Variants in FGF1 observed in about 807,000 individuals in gnomAD.
FGF1 encodes fibroblast growth factor 1.
In FGF1, 9 loss-of-function variants were observed where a neutral mutation model predicts 13.4. That is an observed-to-expected ratio of 0.67 (90% confidence interval 0.40 to 1.17). FGF1 has a LOEUF of 1.17. Among genes scored for constraint, FGF1 ranks in the 50% most tolerant of loss-of-function variants. The pLI is 0.01. For synonymous variants in FGF1, 93 were observed against 79.0 expected (o/e 1.18, Z -0.94); for missense variants, 156 against 192.7 (o/e 0.81, Z 1.13).
intron 1 of FGF1, among the ~76,000 whole-genome samples, chr5:142,660,337 C>A (rs559778051): frequency 2.0e-5 from 3 of 152,218 alleles, no homozygotes; most frequent in African/African-American, 4.8e-5. Flanking sequence ...CAGCATGGAG[C>A]CTTCAGCCTG....
intron 1 of FGF1, among the ~76,000 whole-genome samples, chr5:142,615,818 A>C (rs1561561159): frequency 6.6e-6 from 1 of 152,236 alleles, no homozygotes; most frequent in African/African-American, 2.4e-5. Context: ...CTTGATCACC[A>C]TGAAAAGGTT....
intron 1 of FGF1, among the ~76,000 whole-genome samples, chr5:142,654,077 C>T (rs373134967): frequency 1.3e-5 from 2 of 152,086 alleles, no homozygotes; most frequent in Non-Finnish European, 2.9e-5. Context: ...GGCAACAGAG[C>T]GAGACTCTGT....
intron 1 of FGF1, among the ~76,000 whole-genome samples, chr5:142,651,371 A>C (rs1469420341): frequency 6.6e-6 from 1 of 152,186 alleles, no homozygotes; most frequent in Non-Finnish European, 1.5e-5. Context: ...GAGTAGTTTC[A>C]GGTTCCAGCA....
chr5:142,680,484 A>T (rs991045664), intron 1 of FGF1, among the ~76,000 whole-genome samples: 3 of 152,208 alleles, frequency 2.0e-5, no homozygotes, highest in African/African-American at 7.2e-5. Flanking sequence ...AGGCTCTGGT[A>T]AGCTGCTAGT....
At chr5:142,609,308 G>A (rs1184609563) in intron 2 of FGF1, among the ~76,000 whole-genome samples, 3 of 152,198 alleles carry the variant, frequency 2.0e-5, no homozygotes, top group Admixed American at 6.5e-5. Context: ...TGCTCCCCAC[G>A]TAGTCTCTTG....
At chr5:142,658,184 T>C (rs1334823206) in intron 1 of FGF1, among the ~76,000 whole-genome samples, 1 of 152,210 alleles carries the variant, frequency 6.6e-6, no homozygotes, top group Non-Finnish European at 1.5e-5. Flanking sequence ...TCCCTTTCCC[T>C]CACTCCCACA....
At chr5:142,656,908 T>TA (rs955389859) in intron 1 of FGF1, among the ~76,000 whole-genome samples, 2 of 152,108 alleles carry the variant, frequency 1.3e-5, no homozygotes, top group East Asian at 1.9e-4. Context: ...GCAGGTATTT[T>TA]TTTTTATTTT....
intron 2 of FGF1, among the ~76,000 whole-genome samples, chr5:142,605,275 T>G (rs890086409): frequency 5.3e-5 from 7 of 131,676 alleles, no homozygotes; most frequent in South Asian, 4.7e-4. Flanking sequence ...CCTGGCTAGT[T>G]TTTTTTTTTT....
intron 1 of FGF1, among the ~76,000 whole-genome samples, chr5:142,682,577 G>A (rs1188492267): frequency 6.6e-6 from 1 of 152,126 alleles, no homozygotes; most frequent in Non-Finnish European, 1.5e-5. Flanking sequence ...CTAATAAGTG[G>A]CAGAATTTGG....
chr5:142,659,331 C>G (rs185776597), intron 1 of FGF1, among the ~76,000 whole-genome samples: 1,972 of 151,304 alleles, frequency 0.013, 48 homozygotes, highest in African/African-American at 0.044. Context: ...CGGGTTCAAG[C>G]GATTCTCCTG....
chr5:142,626,789 C>A, intron 1 of FGF1: 1 of 152,384 alleles, frequency 6.6e-6, no homozygotes. Context: ...CAGCCATTTG[C>A]CATTGCAGAT....
chr5:142,649,672 G>A (rs1172386644), intron 1 of FGF1, among the ~76,000 whole-genome samples: 1 of 152,054 alleles, frequency 6.6e-6, no homozygotes, highest in Non-Finnish European at 1.5e-5. Flanking sequence ...CTCCCAAAGT[G>A]CTGGGATTAC....
intron 1 of FGF1, among the ~76,000 whole-genome samples, chr5:142,636,982 C>T (rs1764355908): frequency 1.3e-5 from 2 of 151,904 alleles, no homozygotes; most frequent in African/African-American, 4.9e-5. Context: ...TGCTGAGTGA[C>T]TAATTGGAGG....
chr5:142,642,024 A>G (rs1040847037), intron 1 of FGF1, among the ~76,000 whole-genome samples: 7 of 152,238 alleles, frequency 4.6e-5, no homozygotes, highest in East Asian at 1.9e-4. Context: ...TCTCAAATAG[A>G]CACATAAATT....
chr5:142,592,366 G>C lies in FGF1; in HGVS notation c.*2924C>G. The C allele has an allele frequency of 2.5e-6, 1 of 398,572 alleles. No homozygotes were observed. The highest frequency in any genetic ancestry group is 4.4e-6 in the Non-Finnish European group (1 of 226,038). The allele number at this position is 398,572 out of a possible 1,614,324, so 24.7% of individuals were successfully genotyped here. A position where few individuals can be genotyped will look rare whatever the true frequency, so the allele number is the denominator to read the frequency against. On this transcript the variant is annotated 3_prime_UTR_variant, in exon 4 of 4. Transcript: ENST00000337706. ...TTCCTTTGCCTCTGACACAAAGCAA[G>C]GACCTTCAGTACTAGCTGATGCTCC...
At chr5:142,634,061 C>A (rs760087534) in intron 1 of FGF1, among the ~76,000 whole-genome samples, 1 of 151,188 alleles carries the variant, frequency 6.6e-6, no homozygotes, top group Non-Finnish European at 1.5e-5. Flanking sequence ...GACGTGGTGG[C>A]GGGCGCCTGT....
intron 1 of FGF1, among the ~76,000 whole-genome samples, chr5:142,664,405 C>CT (rs1769889719): frequency 6.6e-6 from 1 of 152,208 alleles, no homozygotes; most frequent in African/African-American, 2.4e-5. Context: ...CCTGTATTCT[C>CT]TGCAAATGTA....
intron 1 of FGF1, among the ~76,000 whole-genome samples, chr5:142,656,742 G>A (rs914286240): frequency 9.2e-5 from 14 of 152,244 alleles, no homozygotes; most frequent in African/African-American, 3.4e-4. Flanking sequence ...GTGGGGAAAA[G>A]GAAGCCTCAG....
intron 2 of FGF1, among the ~76,000 whole-genome samples, chr5:142,606,650 C>T (rs553084401): frequency 6.6e-5 from 10 of 152,036 alleles, no homozygotes; most frequent in African/African-American, 1.9e-4. Flanking sequence ...GAACACAATA[C>T]GTGTGTAGCT....
Sources: allele counts gnomAD v4.1 joint callset (sites outside exome capture counted in the v4.1 genomes callset), GRCh38; gene constraint gnomAD v4.1.1; transcripts MANE v1.5; gene names NCBI Gene and HGNC (gene_info 2026-07-23, HGNC 2026-07-21).